Variants in ATP8A2 observed in about 807,000 individuals in gnomAD.
The protein encoded by ATP8A2 is ATPase phospholipid transporting 8A2.
A neutral mutation model predicts 165.6 loss-of-function variants in ATP8A2; 100 were observed. That is an observed-to-expected ratio of 0.60 (90% CI 0.51 to 0.71). ATP8A2 has a LOEUF of 0.71. ATP8A2 is among the 30% of genes least tolerant of loss of function. The pLI, the probability that ATP8A2 is intolerant of heterozygous loss-of-function variation, is 0.00. For missense variants in ATP8A2, 1,227 were observed against 1,479.5 expected, an observed-to-expected ratio of 0.83 and a Z score of 2.80; for synonymous variants, 543 against 548.8, an observed-to-expected ratio of 0.99 and a Z score of 0.15.
At chr13:25,731,190 G>A (rs149144286) in intron 25 of ATP8A2, among the ~76,000 whole-genome samples, 82 of 109,242 alleles carry the variant, frequency 7.5e-4, no homozygotes, top group East Asian at 6.1e-3. Flanking sequence ...AGAAAAGACC[G>A]GAAGGAGAGA....
chr13:26,000,773 T>G (rs1056640946), intron 35 of ATP8A2, among the ~76,000 whole-genome samples: 1 of 148,744 alleles, frequency 6.7e-6, no homozygotes, highest in African/African-American at 2.5e-5. Flanking sequence ...ACTGTAAAAA[T>G]GGCATCATTA....
At chr13:25,954,435 G>C (rs1008429315) in intron 33 of ATP8A2, among the ~76,000 whole-genome samples, 2 of 152,208 alleles carry the variant, frequency 1.3e-5, no homozygotes, top group African/African-American at 4.8e-5. Flanking sequence ...CACAGCTTCA[G>C]CAGACTTAAA....
intron 33 of ATP8A2, among the ~76,000 whole-genome samples, chr13:25,940,594 G>A (rs1465702833): frequency 2.6e-5 from 4 of 152,124 alleles, no homozygotes; most frequent in South Asian, 4.1e-4. Flanking sequence ...TCCCACTGAC[G>A]AGGACTTCAT....
intron 6 of ATP8A2, among the ~76,000 whole-genome samples, chr13:25,536,044 T>C (rs79010338): frequency 0.043 from 5,839 of 134,236 alleles, 142 homozygotes; most frequent in Non-Finnish European, 0.054. Context: ...TGTCTAGTGG[T>C]TTTTTCTTTA....
intron 18 of ATP8A2, 79 bp from the exon 19 acceptor site, chr13:25,574,725 ATGTC>A (rs1302530834): frequency 1.2e-6 from 1 of 812,584 alleles, no homozygotes; most frequent in Non-Finnish European, 2.2e-6. Context: ...GAGCATATAT[ATGTC>A]TGTTTATGCT....
At chr13:25,408,176 C>T (rs758895338) in intron 1 of ATP8A2, among the ~76,000 whole-genome samples, 23 of 152,020 alleles carry the variant, frequency 1.5e-4, no homozygotes, top group Non-Finnish European at 2.6e-4. Context: ...AGGCAGATGA[C>T]GAGGTCAGGA....
At chr13:25,495,836 T>C (rs866835394) in intron 2 of ATP8A2, among the ~76,000 whole-genome samples, 9 of 152,176 alleles carry the variant, frequency 5.9e-5, no homozygotes, top group African/African-American at 2.2e-4. Flanking sequence ...TTTCATACTG[T>C]GTATACCTTG....
At chr13:25,380,670 A>G (rs1192309449) in intron 1 of ATP8A2, among the ~76,000 whole-genome samples, 2 of 152,158 alleles carry the variant, frequency 1.3e-5, no homozygotes, top group Admixed American at 6.5e-5. Context: ...TTATATTTCT[A>G]TTGGTGAACA....
chr13:25,578,950 A>C (rs1200146706), intron 21 of ATP8A2, 51 bp downstream of exon 21: 7 of 1,211,458 alleles, frequency 5.8e-6, no homozygotes, highest in Non-Finnish European at 8.6e-6. Flanking sequence ...TGTACTTTCA[A>C]GCATGTTGTC....
chr13:25,570,711 C>T, intron 16 of ATP8A2, 56 bp from the exon 17 acceptor site: 1 of 1,359,556 alleles, frequency 7.4e-7, no homozygotes, highest in Non-Finnish European at 1.0e-6. Context: ...CTTGTGTGAG[C>T]CCTGGTGCCT....
intron 24 of ATP8A2, among the ~76,000 whole-genome samples, chr13:25,620,723 A>G (rs1396576536): frequency 6.6e-6 from 1 of 152,210 alleles, no homozygotes; most frequent in African/African-American, 2.4e-5. Context: ...TTTACAGTTG[A>G]TAGAAATATG....
At chr13:25,540,515 C>A (rs530156932) in intron 8 of ATP8A2, 127 bp downstream of exon 8, 1 of 702,460 alleles carries the variant, frequency 1.4e-6, no homozygotes, top group Non-Finnish European at 2.5e-6. Flanking sequence ...CTAATGGAAT[C>A]TATGGGAAGA....
chr13:25,713,779 C>T (rs2137992584), intron 25 of ATP8A2, among the ~76,000 whole-genome samples: 1 of 152,012 alleles, frequency 6.6e-6, no homozygotes, highest in East Asian at 1.9e-4. Flanking sequence ...GTGCCATGTT[C>T]TGGGTCCTGG....
At chr13:25,786,260 C>G (rs987093502) in intron 27 of ATP8A2, among the ~76,000 whole-genome samples, 2 of 152,192 alleles carry the variant, frequency 1.3e-5, no homozygotes, top group Non-Finnish European at 2.9e-5. Flanking sequence ...GGTTTTCCAG[C>G]AGATGTCCTA....
chr13:25,387,690 T>C (rs9511776), intron 1 of ATP8A2, among the ~76,000 whole-genome samples: 5,532 of 152,278 alleles, frequency 0.036, 145 homozygotes, highest in South Asian at 0.082. Context: ...TTCAGAGTTT[T>C]TGATAGGTCT....
intron 1 of ATP8A2, among the ~76,000 whole-genome samples, chr13:25,417,535 G>A (rs2034169657): frequency 1.2e-5 from 1 of 86,028 alleles, no homozygotes; most frequent in South Asian, 3.3e-4. Flanking sequence ...TGGGATTAAA[G>A]CCTCTTTAAC....
chr13:25,380,596 T>C (rs901502063), intron 1 of ATP8A2, among the ~76,000 whole-genome samples: 3 of 152,170 alleles, frequency 2.0e-5, no homozygotes, highest in African/African-American at 7.2e-5. Context: ...AATTATTTTA[T>C]GTATCTCTTT....
intron 2 of ATP8A2, among the ~76,000 whole-genome samples, chr13:25,524,887 C>CTTCT (rs1390268046): frequency 5.7e-4 from 2 of 3,508 alleles, no homozygotes; most frequent in African/African-American, 1.3e-3. Context: ...TGTTTGATAA[C>CTTCT]TTCCTTCCTT....
chr13:25,763,999 A>G (rs1488507243), intron 25 of ATP8A2, among the ~76,000 whole-genome samples: 3 of 152,360 alleles, frequency 2.0e-5, no homozygotes, highest in East Asian at 1.9e-4. Context: ...ACTGACTGCC[A>G]TGAAAAAGAA....
Sources: gnomAD v4.1 joint callset for allele counts (sites outside exome capture counted in the v4.1 genomes callset) on GRCh38, gnomAD v4.1.1 for gene constraint, MANE v1.5 for transcripts, NCBI Gene and HGNC (gene_info 2026-07-23, HGNC 2026-07-21) for gene names.